Variants in FNTA observed in about 807,000 individuals in gnomAD.
The protein encoded by FNTA is protein farnesyltransferase/geranylgeranyltransferase type-1 subunit alpha.
In FNTA, 27 loss-of-function variants were observed where a neutral mutation model predicts 55.2. The ratio of observed to expected loss-of-function variants is 0.49; its 90% CI spans 0.36 to 0.67. The LOEUF is 0.67. Ranked by LOEUF, FNTA falls within the 30% of genes least tolerant of loss-of-function variation. FNTA has a pLI of 0.00. For synonymous variants in FNTA, 176 were observed against 170.7 expected, an observed-to-expected ratio of 1.03 and a Z score of -0.24; for missense variants, 422 against 464.7, an observed-to-expected ratio of 0.91 and a Z score of 0.85.
intron 3 of FNTA, among the ~76,000 whole-genome samples, chr8:43,066,669 T>G (rs1810667995): frequency 6.6e-6 from 1 of 152,072 alleles, no homozygotes; most frequent in Non-Finnish European, 1.5e-5. Context: ...CATATAAATA[T>G]TTTTCTCAAA....
chr8:43,074,717 A>G (rs1295795182), intron 5 of FNTA, among the ~76,000 whole-genome samples: 1 of 152,160 alleles, frequency 6.6e-6, no homozygotes, highest in African/African-American at 2.4e-5. Flanking sequence ...CAGCAAAATT[A>G]TAGACGTAGA....
At chr8:43,072,069 T>C (rs1416774157) in intron 4 of FNTA, 112 bp from the exon 5 acceptor site, 12 of 734,368 alleles carry the variant, frequency 1.6e-5, no homozygotes, top group Non-Finnish European at 2.4e-5. Flanking sequence ...GAATTAGAGA[T>C]GAATTTTTGT....
At chr8:43,057,011 G>C (rs781238709) in intron 1 of FNTA, 1 of 152,170 alleles carries the variant, frequency 6.6e-6, no homozygotes, top group Non-Finnish European at 1.5e-5. Context: ...CCAGTGGCTG[G>C]CTCTGCTTGG....
intron 3 of FNTA, among the ~76,000 whole-genome samples, chr8:43,065,709 A>G (rs982298649): frequency 1.3e-5 from 2 of 151,260 alleles, no homozygotes; most frequent in Non-Finnish European, 2.9e-5. Context: ...CTCTTCACCA[A>G]TTGGATGCTG....
intron 5 of FNTA, among the ~76,000 whole-genome samples, chr8:43,075,116 CT>C (rs1810880299): frequency 6.6e-6 from 1 of 152,230 alleles, no homozygotes; most frequent in South Asian, 2.1e-4. Flanking sequence ...GAAAACACTA[CT>C]CTTTGTTTTT....
At chr8:43,072,056 T>G in intron 4 of FNTA, 125 bp from the exon 5 acceptor site, 2 of 641,012 alleles carry the variant, frequency 3.1e-6, no homozygotes, top group Non-Finnish European at 4.9e-6. Flanking sequence ...AGTGGAGTGT[T>G]AAGAATTAGA....
chr8:43,083,270 G>A, intron 7 of FNTA, 90 bp downstream of exon 7: 1 of 716,682 alleles, frequency 1.4e-6, no homozygotes, highest in South Asian at 2.1e-5. Flanking sequence ...GATTCCAAAA[G>A]GATAGTAAAT....
At chr8:43,056,681 C>G (rs1289645891) in intron 1 of FNTA, 135 bp downstream of exon 1, 1 of 466,720 alleles carries the variant, frequency 2.1e-6, no homozygotes, top group Non-Finnish European at 3.2e-6. Flanking sequence ...GTGCATGGCG[C>G]TGGGCCCGGG....
chr8:43,077,060 C>T (rs1432725166), intron 5 of FNTA, 156 bp from the exon 6 acceptor site: 4 of 495,976 alleles, frequency 8.1e-6, no homozygotes, highest in Non-Finnish European at 1.4e-5. Context: ...TTGTATCCCC[C>T]TCTATTTCCT....
chr8:43,079,632 C>G (rs1810984775), intron 6 of FNTA: 1 of 152,272 alleles, frequency 6.6e-6, no homozygotes, highest in Non-Finnish European at 1.5e-5. Context: ...GCGAACACAA[C>G]ATCCATTCTG....
At chr8:43,070,307 C>T (rs1474159904) in intron 4 of FNTA, 1 of 149,000 alleles carries the variant, frequency 6.7e-6, no homozygotes, top group Non-Finnish European at 1.5e-5. Flanking sequence ...GACTCTGTCT[C>T]AAAAAAAATA....
Position 43,085,265 on chromosome 8 carries a change from A to G in FNTA, c.1123A>G (p.Thr375Ala), listed in dbSNP as rs191418964. The change falls in exon 9 of 9, where the codon ACA (threonine) becomes GCA (alanine). Residue 375 changes from threonine (T) to alanine (A), a missense_variant. Thr to Ala is a moderately conservative substitution (Grantham distance 58). Transcript: ENST00000302279. ...SKHSTENDSP[T>A]NVQQ ...ACACAGCACAGAAAATGACTCACCA[A>G]CAAATGTACAGCAATAACACCATCC... The G allele has an allele frequency of 1.1e-5, 18 of 1,607,404 alleles. 1 individual carries two copies. In the Admixed American group the frequency reaches 2.7e-4, roughly 24 times the overall value.
intron 5 of FNTA, among the ~76,000 whole-genome samples, chr8:43,075,498 T>TA (rs1586659652): frequency 6.6e-6 from 1 of 152,110 alleles, no homozygotes; most frequent in African/African-American, 2.4e-5. Flanking sequence ...CATTTTTTTT[T>TA]ATTAAGAGAG....
rs568082275 is a variant in FNTA, at chr8:43,056,360, A to G, written c.14A>G (p.Glu5Gly). Residue 5 changes from glutamate to glycine, a missense_variant, in exon 1 of 9, where the codon GAG (glutamate) becomes GGG (glycine). Glu to Gly is a moderately conservative substitution (Grantham distance 98, BLOSUM62 -2). Transcript: ENST00000302279. Reference protein sequence around the residue: MAATEGVGEAAQGGE... With the variant: MAATGGVGEAAQGGE... ...GACCGAGGCGAGATGGCGGCCACCG[A>G]GGGGGTCGGGGAGGCTGCGCAAGGG... is the stretch of plus-strand genomic sequence containing the variant. 1.4e-6 allele frequency: 2 copies of G among 1,428,092 alleles called. No individual in the cohort carries two copies. The highest frequency in any genetic ancestry group is 1.5e-5 in the African/African-American group (1 of 66,866). 88.5% of individuals were successfully genotyped at this position (1,428,092 alleles called of 1,614,324 possible).
chr8:43,056,872 T>G, intron 1 of FNTA: 1 of 153,834 alleles, frequency 6.5e-6, no homozygotes. Context: ...TCCCGCTCTC[T>G]TCCACGGCTT....
intron 4 of FNTA, among the ~76,000 whole-genome samples, chr8:43,069,864 G>C (rs183381340): frequency 1.3e-3 from 191 of 151,328 alleles, no homozygotes; most frequent in African/African-American, 4.5e-3. Context: ...GGCTGGTCTC[G>C]AACTTCTGAC....
intron 3 of FNTA, among the ~76,000 whole-genome samples, chr8:43,065,899 A>G (rs948971790): frequency 6.6e-6 from 1 of 151,464 alleles, no homozygotes; most frequent in African/African-American, 2.5e-5. Flanking sequence ...TTAGTAATAA[A>G]ATTGTAGATT....
chr8:43,079,144 G>T, intron 6 of FNTA: 1 of 161,242 alleles, frequency 6.2e-6, no homozygotes, highest in South Asian at 1.7e-4. Flanking sequence ...AAGTGCTGCT[G>T]GAGAAGCTGC....
intron 1 of FNTA, among the ~76,000 whole-genome samples, chr8:43,058,608 A>G (rs1048702076): frequency 6.6e-6 from 1 of 152,022 alleles, no homozygotes; most frequent in Non-Finnish European, 1.5e-5. Context: ...CATCTCTACT[A>G]AAAATACAAA....
Sources: gnomAD v4.1 joint callset for allele counts (sites outside exome capture counted in the v4.1 genomes callset) on GRCh38, gnomAD v4.1.1 for gene constraint, MANE v1.5 for transcripts, NCBI Gene and HGNC (gene_info 2026-07-23, HGNC 2026-07-21) for gene names.